The following UBR1 variants were observed in gnomAD, a reference collection of about 807,000 sequenced individuals.
UBR1 encodes the protein E3 ubiquitin-protein ligase UBR1.
UBR1 carries 102 observed loss-of-function variants against 242.1 expected under a neutral mutation model. That is an observed-to-expected ratio of 0.42 (90% CI 0.36 to 0.50). The LOEUF (loss-of-function observed/expected upper bound fraction) is 0.50, where lower values mean the gene tolerates loss of function less well. Ranked by LOEUF, UBR1 falls within the 20% of genes least tolerant of loss-of-function variation. The pLI is 0.01. For missense variants in UBR1, 1,772 were observed against 2,101.8 expected (o/e 0.84, Z 3.07); for synonymous variants, 675 against 684.8 (o/e 0.99, Z 0.22).
chr15:42,998,833 T>G (rs1282607276), intron 32 of UBR1, among the ~76,000 whole-genome samples: 2 of 152,194 alleles, frequency 1.3e-5, no homozygotes, highest in Non-Finnish European at 2.9e-5. Context: ...TTCTAATCTT[T>G]GCTCATAATC....
At chr15:43,033,930 C>T (rs778714483) in intron 19 of UBR1, among the ~76,000 whole-genome samples, 6 of 152,004 alleles carry the variant, frequency 3.9e-5, no homozygotes, top group Non-Finnish European at 7.4e-5. Flanking sequence ...ATGGTGAAAC[C>T]TCGACTCTAC....
Position 42,945,478 on chromosome 15 carries a change from G to T in UBR1, c.5109-8C>A, listed in dbSNP as rs372344407. The T allele has an allele frequency of 5.8e-5, 93 of 1,613,444 alleles. No individual in the cohort carries two copies. Among genetic ancestry groups the T allele is most frequent in the Non-Finnish European group, 6.8e-5 (80 of 1,179,870 alleles). ...TGAAGGGGGTTGCCCCTCCTTTAGG[G>T]AAAAAAGAAAAAACAACATGTAAGT... On this transcript the variant is annotated splice_region_variant and splice_polypyrimidine_tract_variant and intron_variant, in intron 46 of 46. Transcript: ENST00000290650.
intron 32 of UBR1, among the ~76,000 whole-genome samples, chr15:43,000,682 A>G (rs954803187): frequency 6.6e-6 from 1 of 152,226 alleles, no homozygotes; most frequent in South Asian, 2.1e-4. Flanking sequence ...ATTAAATAAG[A>G]TAATGCAGCA....
At chr15:42,965,490 GCCTTGCTCTGT>G (rs2032091448) in intron 41 of UBR1, among the ~76,000 whole-genome samples, 1 of 146,614 alleles carries the variant, frequency 6.8e-6, no homozygotes, top group Admixed American at 6.8e-5. Flanking sequence ...TTGAGACAGA[GCCTTGCTCTGT>G]CACCCAGGCT....
chr15:43,027,043 C>T (rs2033187660), intron 22 of UBR1, among the ~76,000 whole-genome samples: 1 of 152,014 alleles, frequency 6.6e-6, no homozygotes, highest in South Asian at 2.1e-4. Flanking sequence ...AAGGTCATAT[C>T]TAAAACAGTA....
At chr15:43,082,572 C>T (rs1468602957) in intron 3 of UBR1, 66 bp downstream of exon 3, 2 of 1,284,574 alleles carry the variant, frequency 1.6e-6, no homozygotes, top group Non-Finnish European at 2.3e-6. Flanking sequence ...GAATACTACT[C>T]AAGAATTTGG....
intron 25 of UBR1, among the ~76,000 whole-genome samples, chr15:43,024,112 G>A (rs1056502786): frequency 1.3e-5 from 2 of 152,156 alleles, no homozygotes; most frequent in South Asian, 4.1e-4. Flanking sequence ...CTGGGACTCA[G>A]GGAGAGAAAT....
At chr15:43,103,913 T>C (rs114229540) in intron 1 of UBR1, among the ~76,000 whole-genome samples, 2,466 of 152,014 alleles carry the variant, frequency 0.016, 79 homozygotes, top group African/African-American at 0.057. Flanking sequence ...AAAACAGTAA[T>C]AGCTTTTAAA....
intron 28 of UBR1, among the ~76,000 whole-genome samples, chr15:43,016,264 AT>A (rs1567126704): frequency 6.6e-6 from 1 of 152,172 alleles, no homozygotes; most frequent in East Asian, 1.9e-4. Flanking sequence ...AAATTTAACA[AT>A]TTTTTTAACT....
At chr15:43,049,474 A>G (rs925878553) in intron 12 of UBR1, among the ~76,000 whole-genome samples, 3 of 152,192 alleles carry the variant, frequency 2.0e-5, no homozygotes, top group Non-Finnish European at 4.4e-5. Context: ...GAAGCAGGAG[A>G]ATGGCGTGAA....
At chr15:43,088,525 C>T (rs1469176571) in intron 1 of UBR1, among the ~76,000 whole-genome samples, 2 of 149,922 alleles carry the variant, frequency 1.3e-5, no homozygotes, top group Admixed American at 6.6e-5. Flanking sequence ...GATGAAATTT[C>T]GCTCTTGTCA....
intron 5 of UBR1, among the ~76,000 whole-genome samples, chr15:43,070,248 TAAAAAAAAAAAA>T (rs746635905): frequency 1.2e-4 from 3 of 25,234 alleles, no homozygotes; most frequent in South Asian, 1.3e-3. Flanking sequence ...GAGTTCTAGC[TAAAAAAAAAAAA>T]AAAAAAAAAA....
chr15:42,945,128 T>C lies in UBR1; in HGVS notation c.*201A>G. 1.5e-6 allele frequency: 1 copy of C among 645,668 alleles called. No individual in the cohort carries two copies. Among genetic ancestry groups the C allele is most frequent in the Non-Finnish European group, 2.7e-6 (1 of 376,602 alleles). The allele number at this position is 645,668 out of a possible 1,614,324, so 40.0% of individuals were successfully genotyped here. A position where few individuals can be genotyped will look rare whatever the true frequency, so the allele number is the denominator to read the frequency against. On this transcript the variant is annotated 3_prime_UTR_variant, in exon 47 of 47. Transcript: ENST00000290650. ...TACTAGCACATAAAACAGATTGATCTATGTCCTTTTTTCCTGTGAAGCATA... is the reference window on the plus strand; with the variant it reads ...TACTAGCACATAAAACAGATTGATCCATGTCCTTTTTTCCTGTGAAGCATA...
intron 45 of UBR1, 108 bp from the exon 46 acceptor site, chr15:42,950,471 T>C: frequency 1.1e-6 from 1 of 893,962 alleles, no homozygotes; most frequent in Non-Finnish European, 1.9e-6. Context: ...CTGTTAGATA[T>C]TCAGTAAAAA....
intron 46 of UBR1, 137 bp from the exon 47 acceptor site, chr15:42,945,607 A>ATCCCT: frequency 3.1e-6 from 3 of 970,562 alleles, no homozygotes; most frequent in Non-Finnish European, 4.6e-6. Context: ...AAAAAGGGAT[A>ATCCCT]TTTTCCCTTC....
intron 29 of UBR1, among the ~76,000 whole-genome samples, chr15:43,012,648 C>G (rs747240699): frequency 1.3e-5 from 2 of 152,150 alleles, no homozygotes; most frequent in African/African-American, 2.4e-5. Flanking sequence ...GTTTCTTTCT[C>G]ACTATTTCTA....
intron 1 of UBR1, among the ~76,000 whole-genome samples, chr15:43,087,128 G>A (rs551326575): frequency 1.6e-4 from 25 of 152,264 alleles, no homozygotes; most frequent in Admixed American, 3.9e-4. Context: ...GAATCGGGCC[G>A]GGCGCGGTGG....
At chr15:42,999,460 GTTTTATTT>G (rs2032690591) in intron 32 of UBR1, among the ~76,000 whole-genome samples, 1 of 152,114 alleles carries the variant, frequency 6.6e-6, no homozygotes, top group African/African-American at 2.4e-5. Flanking sequence ...TCAACATTTT[GTTTTATTT>G]TTTTATTGCC....
intron 46 of UBR1, among the ~76,000 whole-genome samples, chr15:42,948,510 G>A (rs2031775143): frequency 6.6e-6 from 1 of 152,034 alleles, no homozygotes. Flanking sequence ...CAAAATGGGA[G>A]AAAATTTTCG....
Sources: gnomAD v4.1 joint callset for allele counts (sites outside exome capture counted in the v4.1 genomes callset) on GRCh38, gnomAD v4.1.1 for gene constraint, MANE v1.5 for transcripts, NCBI Gene and HGNC (gene_info 2026-07-23, HGNC 2026-07-21) for gene names.